JADE2: variants seen among roughly 807,000 people sequenced by gnomAD.
JADE2 encodes the protein E3 ubiquitin-protein ligase Jade-2.
Under a neutral mutation model 85.7 loss-of-function variants are expected in JADE2, and 13 were observed. That is an observed-to-expected ratio of 0.15 (90% CI 0.10 to 0.24). The LOEUF is 0.24. Among genes scored for constraint, JADE2 ranks in the 10% least tolerant of loss-of-function variants. JADE2 has a pLI of 1.00. For synonymous variants in JADE2, 440 were observed against 456.1 expected (o/e 0.96, Z 0.45); for missense variants, 846 against 1,115.9 (o/e 0.76, Z 3.45).
At chr5:134,563,979 G>A (rs963246486) in intron 7 of JADE2, among the ~76,000 whole-genome samples, 4 of 152,144 alleles carry the variant, frequency 2.6e-5, no homozygotes, top group Admixed American at 6.6e-5. Context: ...CTCAGCAAAG[G>A]CATATCCCCA....
chr5:134,524,509 T>G (rs550134097), upstream of JADE2: 1 of 152,390 alleles, frequency 6.6e-6, no homozygotes, highest in Non-Finnish European at 1.5e-5. Flanking sequence ...TTCCTCGCCA[T>G]GTGCCAGCCT....
chr5:134,577,003 G>A lies in JADE2; in HGVS notation c.1681+107G>A, dbSNP rs563135352. 5.2e-6 allele frequency: 7 copies of A among 1,338,384 alleles called. No individual in the cohort carries two copies. The South Asian group carries it at 9.2e-5, about 18-fold the overall frequency. 82.9% of individuals were successfully genotyped at this position (1,338,384 alleles called of 1,614,324 possible). A position where few individuals can be genotyped will look rare whatever the true frequency, so the allele number is the denominator to read the frequency against. ...CCAGCTGCACAGAGTAGGAGACTGA[G>A]GCTCAAGAGCGGTAACCAGGCCCTT... On this transcript the variant is annotated intron_variant, in intron 11 of 11. Coordinates refer to ENST00000681547, the MANE Select transcript of JADE2 (RefSeq NM_001388185.1).
chr5:134,526,806 G>A (rs1760857502), intron 1 of JADE2: 1 of 966,306 alleles, frequency 1.0e-6, no homozygotes. Context: ...GAGGACTGGG[G>A]TCGGGGGCAG....
chr5:134,559,021 A>C (rs938937251), intron 4 of JADE2, among the ~76,000 whole-genome samples: 38 of 152,302 alleles, frequency 2.5e-4, no homozygotes, highest in Non-Finnish European at 4.3e-4. Context: ...TGAGCTGGGG[A>C]GGGATCCTGG....
chr5:134,579,081 G>A lies in JADE2; in HGVS notation c.2269G>A (p.Glu757Lys), dbSNP rs752478681. 26 of 1,613,868 alleles carry A rather than the reference G, an allele frequency of 1.6e-5. No individual in the cohort carries two copies. Among genetic ancestry groups the A allele is most frequent in the South Asian group, 5.5e-5 (5 of 91,084 alleles). The change falls in exon 12 of 12, where the codon GAG (glutamate) becomes AAG (lysine). Residue 757 changes from glutamate to lysine, a missense_variant. Glu to Lys is a moderately conservative substitution (Grantham distance 56). Around this residue, in one of 9 missense-constraint regions of JADE2, gnomAD observed 300 missense variants for 300.7 expected, o/e 1.00. Transcript: ENST00000681547. This position sits in a 1 kb window ranked among gnomAD's most constrained non-coding sequence, Gnocchi z 4.6. ...TTTGGGCCGGCTCCGGCCACCCCGC[G>A]AGAGCAAGGTAACCCGGAGATTGCC... The part of the protein sequence containing the change: ...KPLGRLRPPR[E>K]SKVTRRLPGA...
Position 134,578,692 on chromosome 5 carries a change from C to T in JADE2, c.1880C>T (p.Pro627Leu). The change falls in exon 12 of 12, where the codon CCC becomes CTC. Residue 627 changes from proline to leucine, a missense_variant. By Grantham distance (98) the Pro-to-Leu change is moderately conservative (BLOSUM62 -3). Transcript: ENST00000681547. The surrounding 1 kb of genome is among the most constrained non-coding windows in gnomAD (Gnocchi z 4.4). ...EETLLSFMRD[P>L]SLRPGDPARK... ...ACACTGCTCAGCTTCATGCGGGACC[C>T]CTCGCTGCGACCTGGTGACCCTGCT... The T allele has an allele frequency of 1.9e-6, 3 of 1,613,856 alleles. No individual in the cohort carries two copies. Among genetic ancestry groups the T allele is most frequent in the East Asian group, 2.2e-5 (1 of 44,892 alleles).
chr5:134,571,808 AT>A lies in JADE2; in HGVS notation c.1435-1835del, dbSNP rs563924830. 3.9e-3 allele frequency among the ~76,000 whole-genome samples: 594 copies of A among 152,208 alleles called. 2 individuals carry two copies. The highest frequency in any genetic ancestry group is 0.013 in the African/African-American group (548 of 41,510). ...CGACACTCCTCACTGCTCCCTTCAG[AT>A]TCCTGCCACGAGGCTCTGCTCTGCC... is the stretch of plus-strand genomic sequence containing the variant. On this transcript the variant is annotated intron_variant, in intron 9 of 11. Coordinates refer to ENST00000681547, the MANE Select transcript of JADE2 (RefSeq NM_001388185.1).
At chr5:134,527,520 C>G (rs375580012) in intron 1 of JADE2, among the ~76,000 whole-genome samples, 1 of 151,970 alleles carries the variant, frequency 6.6e-6, no homozygotes, top group African/African-American at 2.4e-5. Flanking sequence ...CTGCCCTTCC[C>G]GGTGTCTCTT....
At chr5:134,573,079 G>C (rs1764138493) in intron 9 of JADE2, among the ~76,000 whole-genome samples, 1 of 152,250 alleles carries the variant, frequency 6.6e-6, no homozygotes, top group Non-Finnish European at 1.5e-5. Flanking sequence ...TCTGCTCAAA[G>C]CTCTTCCAAT....
chr5:134,524,782 T>G (rs573773532), upstream of JADE2, among the ~76,000 whole-genome samples: 1 of 152,260 alleles, frequency 6.6e-6, no homozygotes, highest in South Asian at 2.1e-4. Context: ...GCCTACAATT[T>G]CAAGTTCCCC....
chr5:134,555,992 C>T (rs939258634), intron 4 of JADE2, among the ~76,000 whole-genome samples: 2 of 152,174 alleles, frequency 1.3e-5, no homozygotes, highest in Non-Finnish European at 1.5e-5. Context: ...TTCTCTCTGC[C>T]GGGTTGGGCC....
intron 4 of JADE2, 73 bp from the exon 5 acceptor site, chr5:134,559,757 T>C: frequency 1.3e-6 from 2 of 1,493,302 alleles, no homozygotes; most frequent in Non-Finnish European, 1.8e-6. Flanking sequence ...GCTGGACTGG[T>C]CAGCTCCCTG....
chr5:134,550,201 G>A (rs1762518479), intron 3 of JADE2, among the ~76,000 whole-genome samples: 1 of 152,146 alleles, frequency 6.6e-6, no homozygotes, highest in South Asian at 2.1e-4. Context: ...TAAATGTTAG[G>A]GTGTTAGTCC....
At chr5:134,569,121 C>CA (rs1561759091) in intron 9 of JADE2, among the ~76,000 whole-genome samples, 1 of 152,244 alleles carries the variant, frequency 6.6e-6, no homozygotes, top group Non-Finnish European at 1.5e-5. Flanking sequence ...ACCTTGGGGT[C>CA]ACAGTGCATG....
intron 11 of JADE2, 163 bp downstream of exon 11, chr5:134,577,059 C>A: frequency 1.4e-6 from 1 of 731,706 alleles, no homozygotes; most frequent in Non-Finnish European, 2.2e-6. Flanking sequence ...CTTCCACCCA[C>A]AAAGGAGACA....
At chr5:134,565,492 C>T (rs879383078) in intron 8 of JADE2, among the ~76,000 whole-genome samples, 1 of 152,198 alleles carries the variant, frequency 6.6e-6, no homozygotes, top group African/African-American at 2.4e-5. Flanking sequence ...GAGCCAGTGA[C>T]CCATCATCAG....
chr5:134,562,896 G>A lies in JADE2; in HGVS notation c.852+529G>A, dbSNP rs746488170. 6.6e-6 allele frequency among the ~76,000 whole-genome samples: 1 copy of A among 152,216 alleles called. No individual in the cohort carries two copies. Among genetic ancestry groups the A allele is most frequent in the Non-Finnish European group, 1.5e-5 (1 of 68,044 alleles). On this transcript the variant is annotated intron_variant, in intron 7 of 11. Coordinates refer to ENST00000681547, the MANE Select transcript of JADE2 (RefSeq NM_001388185.1). The surrounding 1 kb of genome is among the most constrained non-coding windows in gnomAD (Gnocchi z 4.6). ...GGTGGTGACTTCTATGAGAAAATGG[G>A]GTTAGGGACCGCTAGGAGATTTCAG...
intron 3 of JADE2, among the ~76,000 whole-genome samples, chr5:134,543,382 A>G (rs1026014473): frequency 6.7e-6 from 1 of 148,426 alleles, no homozygotes; most frequent in Non-Finnish European, 1.5e-5. Flanking sequence ...GTTAAGAACA[A>G]CTGCCATAGG....
At chr5:134,529,935 C>T (rs1224265659) in intron 1 of JADE2, among the ~76,000 whole-genome samples, 1 of 152,258 alleles carries the variant, frequency 6.6e-6, no homozygotes, top group Non-Finnish European at 1.5e-5. Flanking sequence ...TCAAGGGGAG[C>T]TGAGTCCCCT....
Sources: gnomAD v4.1 joint callset for allele counts (sites outside exome capture counted in the v4.1 genomes callset) on GRCh38, gnomAD v4.1.1 for gene constraint, gnomAD v4.1.1 regional missense constraint, Gnocchi (gnomAD v3.1) non-coding constraint, MANE v1.5 for transcripts, NCBI Gene and HGNC (gene_info 2026-07-23, HGNC 2026-07-21) for gene names.